SOX6: variants seen among roughly 807,000 people sequenced by gnomAD.
SOX6 encodes transcription factor SOX-6.
In SOX6, 11 loss-of-function variants were observed where a neutral mutation model predicts 97.8. The ratio of observed to expected loss-of-function variants is 0.11; its 90% CI spans 0.07 to 0.19. The LOEUF (loss-of-function observed/expected upper bound fraction) is 0.19, where lower values mean the gene tolerates loss of function less well. Among genes scored for constraint, SOX6 ranks in the 10% least tolerant of loss-of-function variants. SOX6 has a pLI of 1.00. For missense variants in SOX6, 810 were observed against 1,039.5 expected (o/e 0.78, Z 3.04); for synonymous variants, 360 against 371.4 (o/e 0.97, Z 0.35).
At chr11:16,684,039 A>G (rs1253437656) in intron 3 of SOX6, among the ~76,000 whole-genome samples, 1 of 152,256 alleles carries the variant, frequency 6.6e-6, no homozygotes, top group African/African-American at 2.4e-5. Context: ...ACAATGAGAT[A>G]CCATCTCACA....
intron 4 of SOX6, among the ~76,000 whole-genome samples, chr11:16,603,315 A>G (rs1376488115): frequency 1.3e-5 from 2 of 152,170 alleles, no homozygotes; most frequent in African/African-American, 4.8e-5. Context: ...TGACACTGGG[A>G]TCTGGGAAGC....
chr11:16,430,484 T>C (rs1428406857), intron 1 of SOX6, among the ~76,000 whole-genome samples: 5 of 152,142 alleles, frequency 3.3e-5, no homozygotes, highest in Admixed American at 3.3e-4. Context: ...TATTAGAAGG[T>C]GGGACCTCTC....
intron 12 of SOX6, 147 bp from the exon 13 acceptor site, chr11:16,015,197 TCCG>T: frequency 4.1e-6 from 3 of 735,990 alleles, no homozygotes; most frequent in Admixed American, 4.2e-5. Context: ...TCAGGAAGAT[TCCG>T]TTGAAAGCTG....
intron 3 of SOX6, among the ~76,000 whole-genome samples, chr11:16,266,579 A>C (rs1854089510): frequency 1.3e-5 from 2 of 151,512 alleles, no homozygotes; most frequent in Admixed American, 6.6e-5. Context: ...TTAGAGCAAA[A>C]AGAATATCAA....
At chr11:16,592,476 T>C (rs558600392) in intron 4 of SOX6, among the ~76,000 whole-genome samples, 1 of 151,904 alleles carries the variant, frequency 6.6e-6, no homozygotes, top group Non-Finnish European at 1.5e-5. Flanking sequence ...CAAACATATT[T>C]ACTTTTAAGA....
Position 16,137,273 on chromosome 11 carries a change from A to C in SOX6, c.778-25350T>G, listed in dbSNP as rs574098664. On this transcript the variant is annotated intron_variant, in intron 6 of 15. Coordinates refer to ENST00000683767, the MANE Select transcript of SOX6 (RefSeq NM_001367873.1). ...CAACATGGTCTCTACTAAAATACAAAAAATTAGCTGGACATGGTGGCATGC... is the reference window on the plus strand; with the variant it reads ...CAACATGGTCTCTACTAAAATACAACAAATTAGCTGGACATGGTGGCATGC... Among the ~76,000 whole-genome samples, 32 of 152,172 alleles carry C rather than the reference A, an allele frequency of 2.1e-4. 1 individual carries two copies. In the South Asian group the frequency reaches 4.8e-3, roughly 23 times the overall value.
At chr11:16,110,681 C>G (rs935544635) in intron 7 of SOX6, among the ~76,000 whole-genome samples, 2 of 152,096 alleles carry the variant, frequency 1.3e-5, no homozygotes, top group Non-Finnish European at 2.9e-5. Flanking sequence ...GACATCCTAC[C>G]TTTTCTTACA....
At chr11:16,454,859 C>G (rs1231630728) in intron 1 of SOX6, among the ~76,000 whole-genome samples, 2 of 152,072 alleles carry the variant, frequency 1.3e-5, no homozygotes, top group Non-Finnish European at 2.9e-5. Context: ...AAACATACTT[C>G]TAATTCCTTT....
intron 4 of SOX6, among the ~76,000 whole-genome samples, chr11:16,502,363 A>C (rs886773039): frequency 6.6e-6 from 1 of 152,138 alleles, no homozygotes; most frequent in African/African-American, 2.4e-5. Context: ...CTAATGTTAA[A>C]TGATGAGTTA....
chr11:16,104,703 TC>T lies in SOX6; in HGVS notation c.899-7016del, dbSNP rs372509053. ...GGTTATCTTGGAAAACAAATGGTGC[TC>T]AATAAATGCTAACTAAAACAAAGAA... On this transcript the variant is annotated intron_variant, in intron 7 of 15. Transcript: ENST00000683767. Among the ~76,000 whole-genome samples the T allele has an allele frequency of 6.1e-3, 928 of 151,750 alleles. 15 individuals are homozygous for T. The highest frequency in any genetic ancestry group is 0.021 in the African/African-American group (886 of 41,424).
At chr11:16,602,865 A>C (rs1848286965) in intron 4 of SOX6, among the ~76,000 whole-genome samples, 1 of 152,096 alleles carries the variant, frequency 6.6e-6, no homozygotes, top group Non-Finnish European at 1.5e-5. Context: ...CCACAAAAAT[A>C]CAAAAATTAG....
intron 3 of SOX6, among the ~76,000 whole-genome samples, chr11:16,304,312 G>A (rs1855353788): frequency 6.6e-6 from 1 of 152,140 alleles, no homozygotes; most frequent in African/African-American, 2.4e-5. Flanking sequence ...TACCCAATGT[G>A]GTAGTATTAA....
intron 2 of SOX6, among the ~76,000 whole-genome samples, chr11:16,334,677 C>T (rs969143799): frequency 1.3e-5 from 2 of 152,084 alleles, no homozygotes; most frequent in Non-Finnish European, 2.9e-5. Context: ...ATCCACCTGC[C>T]TTAGCCTCCC....
chr11:16,669,816 T>C (rs947521086), intron 3 of SOX6, among the ~76,000 whole-genome samples: 2 of 152,140 alleles, frequency 1.3e-5, no homozygotes, highest in Non-Finnish European at 1.5e-5. Flanking sequence ...CCTGGAACTC[T>C]GACACAACCA....
chr11:16,736,047 C>T (rs1362262762), intron 2 of SOX6, among the ~76,000 whole-genome samples: 2 of 152,150 alleles, frequency 1.3e-5, no homozygotes, highest in African/African-American at 4.8e-5. Flanking sequence ...CTTGTCTTTA[C>T]TACCCAAGAA....
intron 13 of SOX6, among the ~76,000 whole-genome samples, chr11:16,009,826 A>ACC (rs1444355972): frequency 6.6e-6 from 1 of 151,750 alleles, no homozygotes; most frequent in African/African-American, 2.4e-5. Context: ...TTTAAATCCC[A>ACC]CCCCAGATTA....
intron 3 of SOX6, among the ~76,000 whole-genome samples, chr11:16,254,979 A>T (rs536949513): frequency 6.6e-6 from 1 of 152,128 alleles, no homozygotes; most frequent in South Asian, 2.1e-4. Context: ...AGCAATAGTA[A>T]TAAGACAAAG....
chr11:16,159,183 T>G (rs1242003684), intron 6 of SOX6, among the ~76,000 whole-genome samples: 1 of 152,094 alleles, frequency 6.6e-6, no homozygotes, highest in Non-Finnish European at 1.5e-5. Flanking sequence ...TATCTAATAT[T>G]AATTCCTTAT....
chr11:16,234,653 T>G lies in SOX6; in HGVS notation c.464A>C (p.Lys155Thr), dbSNP rs770758639. The G allele has an allele frequency of 7.2e-5, 115 of 1,588,878 alleles. No individual in the cohort carries two copies. Among genetic ancestry groups the G allele is most frequent in the Non-Finnish European group, 9.6e-5 (111 of 1,161,438 alleles). ...TEQEDSSCMEKLLSKDWKEKM... is the reference protein window; with the variant it reads ...TEQEDSSCMETLLSKDWKEKM... ...TTCCTTCCAATCTTTTGAAAGTAGT[T>G]TTTCCATGCAGGAGGAATCTATTAA... The change falls in exon 4 of 16, where the codon AAA becomes ACA. Residue 155 changes from lysine to threonine, a missense_variant. Physicochemically the swap from Lys to Thr is moderately conservative, Grantham distance 78. Coordinates refer to ENST00000683767, the MANE Select transcript of SOX6 (RefSeq NM_001367873.1).
Sources: gnomAD v4.1 joint callset for allele counts (sites outside exome capture counted in the v4.1 genomes callset) on GRCh38, gnomAD v4.1.1 for gene constraint, MANE v1.5 for transcripts, NCBI Gene and HGNC (gene_info 2026-07-23, HGNC 2026-07-21) for gene names.